Variants in SCAI observed in about 807,000 individuals in gnomAD.
SCAI encodes the protein suppressor of cancer cell invasion.
A neutral mutation model predicts 92.2 loss-of-function variants in SCAI; 24 were observed. The ratio of observed to expected loss-of-function variants is 0.26; its 90% CI spans 0.19 to 0.37. The LOEUF (loss-of-function observed/expected upper bound fraction) is 0.37, where lower values mean the gene tolerates loss of function less well. SCAI is among the 10% of genes least tolerant of loss of function. SCAI has a pLI of 1.00. For synonymous variants in SCAI, 261 were observed against 258.6 expected, an observed-to-expected ratio of 1.01 and a Z score of -0.09; for missense variants, 450 against 736.2, an observed-to-expected ratio of 0.61 and a Z score of 4.50.
At chr9:125,033,756 T>C (rs918935481) in intron 3 of SCAI, among the ~76,000 whole-genome samples, 36 of 152,288 alleles carry the variant, frequency 2.4e-4, no homozygotes, top group African/African-American at 8.2e-4. Flanking sequence ...ATAAAGATGT[T>C]GTTTTTAAAA....
intron 2 of SCAI, among the ~76,000 whole-genome samples, chr9:125,082,872 C>T (rs1192300083): frequency 6.6e-6 from 1 of 152,224 alleles, no homozygotes; most frequent in Non-Finnish European, 1.5e-5. Flanking sequence ...ATTTTACAGG[C>T]TCATAGGCAG....
chr9:125,142,079 C>T (rs1035321312), intron 2 of SCAI, among the ~76,000 whole-genome samples: 1 of 152,126 alleles, frequency 6.6e-6, no homozygotes, highest in African/African-American at 2.4e-5. Context: ...TACAGGTCCA[C>T]AACACCCGCT....
intron 2 of SCAI, among the ~76,000 whole-genome samples, chr9:125,096,327 C>T (rs1834551893): frequency 6.6e-6 from 1 of 152,038 alleles, no homozygotes; most frequent in Admixed American, 6.6e-5. Context: ...AAACCTGCCC[C>T]CATGATTCAA....
intron 2 of SCAI, among the ~76,000 whole-genome samples, chr9:125,099,541 C>T (rs1181693700): frequency 1.3e-5 from 2 of 152,174 alleles, no homozygotes; most frequent in African/African-American, 4.8e-5. Context: ...CTCAGCCTCC[C>T]AAAGTGCTAG....
chr9:125,044,156 C>T (rs1833388028), intron 3 of SCAI, among the ~76,000 whole-genome samples: 1 of 152,144 alleles, frequency 6.6e-6, no homozygotes, highest in South Asian at 2.1e-4. Flanking sequence ...CCTGCTGCCT[C>T]AGCCCTCTCC....
chr9:125,026,255 T>A (rs967898399), intron 6 of SCAI, among the ~76,000 whole-genome samples: 1 of 151,958 alleles, frequency 6.6e-6, no homozygotes, highest in East Asian at 1.9e-4. Context: ...AAGCCTGTAA[T>A]CCCAGCTACT....
chr9:124,964,187 T>C (rs1831497045), intron 17 of SCAI, among the ~76,000 whole-genome samples: 1 of 152,212 alleles, frequency 6.6e-6, no homozygotes, highest in Non-Finnish European at 1.5e-5. Flanking sequence ...TAATGTCCAT[T>C]TGTTTTCTGC....
intron 14 of SCAI, among the ~76,000 whole-genome samples, chr9:124,984,006 T>G (rs112433103): frequency 2.6e-5 from 4 of 152,208 alleles, no homozygotes; most frequent in African/African-American, 7.2e-5. Context: ...AGTTAACTGT[T>G]ATGATTATTA....
At chr9:125,084,455 C>G (rs1834286380) in intron 2 of SCAI, among the ~76,000 whole-genome samples, 1 of 152,010 alleles carries the variant, frequency 6.6e-6, no homozygotes, top group Non-Finnish European at 1.5e-5. Flanking sequence ...CAGGCGCCAG[C>G]CACCGCGCCC....
chr9:125,142,184 TAG>T (rs974720038), intron 2 of SCAI: 2 of 154,314 alleles, frequency 1.3e-5, no homozygotes, highest in South Asian at 2.0e-4. Flanking sequence ...CAATTTTTTG[TAG>T]AGACGGAGTC....
At chr9:125,004,779 ATTTTTTTTTTTTTT>A (rs869167558) in intron 9 of SCAI, among the ~76,000 whole-genome samples, 1 of 13,170 alleles carries the variant, frequency 7.6e-5, no homozygotes, top group South Asian at 3.8e-3. Context: ...ATATATATAT[ATTTTTTTTTTTTTT>A]TTTTTTTTTT....
At chr9:125,042,622 T>TGTGTGTGTGTGC (rs1168138986) in intron 3 of SCAI, among the ~76,000 whole-genome samples, 1 of 100,448 alleles carries the variant, frequency 1.0e-5, no homozygotes, top group Non-Finnish European at 1.9e-5. Flanking sequence ...AGTATGTGTG[T>TGTGTGTGTGTGC]GTGTGTGTGT....
At chr9:125,016,099 G>C (rs1015722130) in intron 9 of SCAI, among the ~76,000 whole-genome samples, 3 of 150,498 alleles carry the variant, frequency 2.0e-5, no homozygotes, top group African/African-American at 7.3e-5. Context: ...GTTAATGGGT[G>C]CAGCACACCA....
intron 2 of SCAI, among the ~76,000 whole-genome samples, chr9:125,140,282 C>A (rs192020658): frequency 3.6e-4 from 55 of 152,282 alleles, no homozygotes; most frequent in Non-Finnish European, 7.4e-4. Flanking sequence ...AATCCCAGCA[C>A]TTTGGGAGGC....
chr9:125,035,872 A>G (rs1164822187), intron 3 of SCAI, among the ~76,000 whole-genome samples: 1 of 152,248 alleles, frequency 6.6e-6, no homozygotes, highest in East Asian at 1.9e-4. Context: ...AGCATGGGCA[A>G]CGAAGTGAGA....
At chr9:124,994,243 T>G (rs1771900886) in intron 14 of SCAI, among the ~76,000 whole-genome samples, 2 of 152,032 alleles carry the variant, frequency 1.3e-5, no homozygotes, top group Admixed American at 6.6e-5. Context: ...CCATGTTGGT[T>G]AGGCTGGTCT....
At position 125,091,938 on chromosome 9, in the gene SCAI, C is replaced by T. The variant is rs969274389; in HGVS notation, c.99-35931G>A. On this transcript the variant is annotated intron_variant, in intron 2 of 17. Coordinates refer to ENST00000336505, the MANE Select transcript of SCAI (RefSeq NM_001144877.3). The surrounding 1 kb of genome is among the most constrained non-coding windows in gnomAD (Gnocchi z 4.3). ...CATCCTGGCTAACACGATGAAACCC[C>T]GTCTCTACCAAAAATAAAAAAATAA... 1.3e-5 allele frequency among the ~76,000 whole-genome samples: 2 copies of T among 151,686 alleles called. No individual in the cohort carries two copies. The highest frequency in any genetic ancestry group is 6.6e-5 in the Admixed American group (1 of 15,212).
intron 3 of SCAI, among the ~76,000 whole-genome samples, chr9:125,046,196 G>GATATATATATATATATATATATATATAT (rs71374222): frequency 7.7e-5 from 4 of 51,880 alleles, no homozygotes; most frequent in Non-Finnish European, 1.4e-4. Context: ...GAAATTGTGA[G>GATATATATATATATATATATATATATAT]ATATATATAT....
At chr9:125,120,815 G>C (rs970598395) in intron 2 of SCAI, among the ~76,000 whole-genome samples, 1 of 152,088 alleles carries the variant, frequency 6.6e-6, no homozygotes, top group East Asian at 1.9e-4. Flanking sequence ...CCAGGAGGTA[G>C]AGGCTGCAGT....
Sources: allele counts gnomAD v4.1 joint callset (sites outside exome capture counted in the v4.1 genomes callset), GRCh38; gene constraint gnomAD v4.1.1; non-coding constraint Gnocchi (gnomAD v3.1); transcripts MANE v1.5; gene names NCBI Gene and HGNC (gene_info 2026-07-23, HGNC 2026-07-21).